Variants in ZNF90 observed in about 807,000 individuals in gnomAD.
The protein encoded by ZNF90 is zinc finger protein 90.
A neutral mutation model predicts 12.0 loss-of-function variants in ZNF90; 11 were observed. The observed-to-expected ratio is 0.92, with a 90% CI of 0.58 to 1.52. The LOEUF (loss-of-function observed/expected upper bound fraction) is 1.52. Ranked by LOEUF, ZNF90 falls within the 40% of genes most tolerant of loss-of-function variation. The probability of loss-of-function intolerance (pLI) is 0.00; values close to 1 mark genes in which losing one functional copy is unlikely to be tolerated. For synonymous variants in ZNF90, 232 were observed against 240.1 expected (o/e 0.97, Z 0.31); for missense variants, 765 against 711.5 (o/e 1.08, Z -0.86).
intron 3 of ZNF90, among the ~76,000 whole-genome samples, chr19:20,106,745 G>A (rs544972019): frequency 5.9e-5 from 9 of 152,292 alleles, no homozygotes; most frequent in Middle Eastern, 3.4e-3. Flanking sequence ...GAGCCACTGC[G>A]CCCGGCCCAG....
intron 3 of ZNF90, among the ~76,000 whole-genome samples, chr19:20,109,487 G>A (rs550161867): frequency 2.0e-5 from 3 of 152,210 alleles, no homozygotes; most frequent in Admixed American, 1.3e-4. Context: ...TCAGAAAGAT[G>A]TATAATTCTG....
chr19:20,091,362 G>A (rs573960264), intron 1 of ZNF90, among the ~76,000 whole-genome samples: 2,116 of 151,904 alleles, frequency 0.014, 45 homozygotes, highest in African/African-American at 0.049. Flanking sequence ...TCTAAGAGAC[G>A]GTCTAGCGGC....
At chr19:20,080,034 C>G (rs989104420) in intron 1 of ZNF90, 1 of 318,006 alleles carries the variant, frequency 3.1e-6, no homozygotes, top group African/African-American at 2.2e-5. Flanking sequence ...CTCCTGGGTT[C>G]AAGCGATTCT....
intron 1 of ZNF90, among the ~76,000 whole-genome samples, chr19:20,101,041 CTGTT>C (rs2088985710): frequency 1.3e-5 from 2 of 152,106 alleles, no homozygotes; most frequent in African/African-American, 4.8e-5. Flanking sequence ...CTCTTCTGGT[CTGTT>C]TGTTACGGCT....
In ZNF90 at chr19:20,120,121, T is replaced by TG. The variant is rs1409898705; in HGVS notation, c.*762dup. Among the ~76,000 whole-genome samples, 48 of 152,330 alleles carry TG rather than the reference T, an allele frequency of 3.2e-4. No homozygotes were observed. The highest frequency in any genetic ancestry group is 1.1e-3 in the African/African-American group (47 of 41,582). ...GCAAAACTCCTACAAGTGTGAAGAA[T>TG]GTGGGAAAACTTTTTAATCAGTGCA... On this transcript the variant is annotated 3_prime_UTR_variant, in exon 4 of 4. Coordinates refer to ENST00000418063, the MANE Select transcript of ZNF90 (RefSeq NM_007138.2).
intron 1 of ZNF90, among the ~76,000 whole-genome samples, chr19:20,082,940 G>GTT (rs1555701690): frequency 1.3e-5 from 2 of 152,152 alleles, no homozygotes; most frequent in African/African-American, 2.4e-5. Flanking sequence ...AGACGTGCTG[G>GTT]TGGCAATACT....
At chr19:20,098,512 C>A (rs915778683) in intron 1 of ZNF90, among the ~76,000 whole-genome samples, 1 of 152,228 alleles carries the variant, frequency 6.6e-6, no homozygotes, top group Non-Finnish European at 1.5e-5. Context: ...ATGACCACAA[C>A]TATATTTACC....
intron 3 of ZNF90, among the ~76,000 whole-genome samples, chr19:20,112,442 G>A (rs1046681831): frequency 3.3e-5 from 5 of 151,756 alleles, no homozygotes; most frequent in African/African-American, 7.3e-5. Context: ...TTGCCTCAGC[G>A]TCCTGACTAG....
At chr19:20,103,863 T>C (rs2089008934) in intron 1 of ZNF90, among the ~76,000 whole-genome samples, 2 of 152,178 alleles carry the variant, frequency 1.3e-5, no homozygotes, top group South Asian at 2.1e-4. Context: ...CAGCTTATTG[T>C]ACATATTAAA....
At chr19:20,081,239 A>T (rs2088817581) in intron 1 of ZNF90, among the ~76,000 whole-genome samples, 1 of 151,964 alleles carries the variant, frequency 6.6e-6, no homozygotes, top group Admixed American at 6.6e-5. Flanking sequence ...CCCAGGCTGG[A>T]GTGCAGTGGT....
At chr19:20,096,006 C>T (rs567332829) in intron 1 of ZNF90, among the ~76,000 whole-genome samples, 50 of 151,602 alleles carry the variant, frequency 3.3e-4, no homozygotes, top group Admixed American at 5.3e-4. Flanking sequence ...CTTCCCAGTC[C>T]GTGACCGGTG....
At chr19:20,116,163 G>C (rs546716729) in intron 3 of ZNF90, among the ~76,000 whole-genome samples, 6 of 152,128 alleles carry the variant, frequency 3.9e-5, no homozygotes, top group African/African-American at 1.4e-4. Context: ...GTGAACCACT[G>C]TGCCCAGCAT....
At chr19:20,090,390 G>A (rs1012244945) in intron 1 of ZNF90, among the ~76,000 whole-genome samples, 2 of 152,088 alleles carry the variant, frequency 1.3e-5, no homozygotes, top group Non-Finnish European at 2.9e-5. Context: ...GGAAGTGGGG[G>A]AGAGTACTTA....
In ZNF90 at chr19:20,119,612, G is replaced by A; in HGVS notation, c.*252G>A. The A allele has an allele frequency of 3.0e-6, 1 of 331,580 alleles. No homozygotes were observed. The highest frequency in any genetic ancestry group is 5.4e-6 in the Non-Finnish European group (1 of 184,766). The allele number at this position is 331,580 out of a possible 1,614,324, so 20.5% of individuals were successfully genotyped here. Reference sequence around the variant, plus strand: ...AAAAATGCAGCAAAGCCTATAACAAGTTCTCAATTCTTTTTTTTTTTTTTT... The same window carrying A: ...AAAAATGCAGCAAAGCCTATAACAAATTCTCAATTCTTTTTTTTTTTTTTT... On this transcript the variant is annotated 3_prime_UTR_variant, in exon 4 of 4. Coordinates refer to ENST00000418063, the MANE Select transcript of ZNF90 (RefSeq NM_007138.2).
rs190287567 is a variant in ZNF90, at chr19:20,100,679, C to G, written c.4-3560C>G. 3.6e-3 allele frequency among the ~76,000 whole-genome samples: 549 copies of G among 152,250 alleles called. 4 individuals carry two copies. Among genetic ancestry groups the G allele is most frequent in the Non-Finnish European group, 5.1e-3 (346 of 68,020 alleles). ...CCTCCCCAACAGCATTTGGGTTTTC[C>G]TCTTGAGAGGGGGATGACTGAGAGA... On this transcript the variant is annotated intron_variant, in intron 1 of 3. Transcript: ENST00000418063.
intron 2 of ZNF90, 139 bp downstream of exon 2, chr19:20,104,504 C>A (rs1485590024): frequency 9.5e-7 from 1 of 1,053,488 alleles, no homozygotes; most frequent in Non-Finnish European, 1.3e-6. Flanking sequence ...TTCAGAATTT[C>A]TTTTAGAAGT....
At chr19:20,112,461 A>G (rs937924421) in intron 3 of ZNF90, among the ~76,000 whole-genome samples, 21 of 151,984 alleles carry the variant, frequency 1.4e-4, no homozygotes, top group Non-Finnish European at 2.1e-4. Context: ...AGCTGGGACT[A>G]CAGGTGTGTG....
Position 20,119,093 on chromosome 19 carries a change from A to G in ZNF90, c.1539A>G (p.Glu513=), listed in dbSNP as rs987248448. ...HSGENPYKCE[E]CGKAFKRSSV... is the part of the protein sequence containing the mutation. The stretch of plus-strand genomic sequence containing the variant: ...GAGAGAATCCCTACAAATGTGAAGA[A>G]TGTGGCAAAGCCTTCAAGCGCTCCT... The change falls in exon 4 of 4, where the codon GAA becomes GAG. Residue 513 remains glutamate, a synonymous_variant. Transcript: ENST00000418063. 6.2e-7 allele frequency: 1 copy of G among 1,612,710 alleles called. No homozygotes were observed. The highest frequency in any genetic ancestry group is 8.5e-7 in the Non-Finnish European group (1 of 1,179,434).
intron 3 of ZNF90, among the ~76,000 whole-genome samples, chr19:20,105,783 A>C (rs1555704341): frequency 6.6e-6 from 1 of 152,168 alleles, no homozygotes; most frequent in Non-Finnish European, 1.5e-5. Flanking sequence ...TTAAAATATC[A>C]TTTGAAAGTA....
Sources: allele counts gnomAD v4.1 joint callset (sites outside exome capture counted in the v4.1 genomes callset), GRCh38; gene constraint gnomAD v4.1.1; transcripts MANE v1.5; gene names NCBI Gene and HGNC (gene_info 2026-07-23, HGNC 2026-07-21).